D2HGDH: variants seen among roughly 807,000 people sequenced by gnomAD.
D2HGDH encodes D-2-hydroxyglutarate dehydrogenase, mitochondrial.
Under a neutral mutation model 46.9 loss-of-function variants are expected in D2HGDH, and 31 were observed. The ratio of observed to expected loss-of-function variants is 0.66; its 90% CI spans 0.50 to 0.89. D2HGDH has a LOEUF of 0.89. Ranked by LOEUF, D2HGDH falls within the 40% of genes least tolerant of loss-of-function variation. The pLI is 0.00. For missense variants in D2HGDH, 698 were observed against 720.8 expected (o/e 0.97, Z 0.36); for synonymous variants, 364 against 332.6 (o/e 1.09, Z -1.03).
intron 2 of D2HGDH, among the ~76,000 whole-genome samples, chr2:241,740,727 A>G (rs1694216722): frequency 6.6e-6 from 1 of 152,182 alleles, no homozygotes; most frequent in Non-Finnish European, 1.5e-5. Context: ...TGGGCGGATC[A>G]CGAGGTCAGG....
At chr2:241,751,142 G>GAAAGATC in intron 7 of D2HGDH, 104 bp from the exon 8 acceptor site, 2 of 1,518,298 alleles carry the variant, frequency 1.3e-6, no homozygotes, top group South Asian at 2.3e-5. Flanking sequence ...TCTTGGCCAC[G>GAAAGATC]AAAGATCAGT....
chr2:241,741,011 T>G lies in D2HGDH; in HGVS notation c.293-22T>G, dbSNP rs746408987. 3.7e-6 allele frequency: 6 copies of G among 1,611,050 alleles called. No individual in the cohort carries two copies. The African/African-American group carries it at 8.0e-5, about 22-fold the overall frequency. ...CTGCAGCTCCCCCCACGCTGTCTCA[T>G]AGGATCTTCTTCCTGTCACAGGCTG... On this transcript the variant is annotated intron_variant, in intron 2 of 9. Coordinates refer to ENST00000321264, the MANE Select transcript of D2HGDH (RefSeq NM_152783.5).
In D2HGDH at chr2:241,742,176, C is replaced by G. The variant is rs1045179438; in HGVS notation, c.351-259C>G. Among the ~76,000 whole-genome samples the G allele has an allele frequency of 6.6e-6, 1 of 152,264 alleles. No homozygotes were observed. Among genetic ancestry groups the G allele is most frequent in the Middle Eastern group, 3.4e-3 (1 of 294 alleles). ...ATGGGAGCCGGGCGTGTAGGACGTTCTGTCCTTTGAGGGAAGCCTTGTAGG... is the reference window on the plus strand; with the variant it reads ...ATGGGAGCCGGGCGTGTAGGACGTTGTGTCCTTTGAGGGAAGCCTTGTAGG... On this transcript the variant is annotated intron_variant, in intron 3 of 9. Coordinates refer to ENST00000321264, the MANE Select transcript of D2HGDH (RefSeq NM_152783.5). This position sits in a 1 kb window ranked among gnomAD's most constrained non-coding sequence, Gnocchi z 4.8.
chr2:241,752,566 C>G (rs1021462714), intron 8 of D2HGDH, among the ~76,000 whole-genome samples: 15 of 152,176 alleles, frequency 9.9e-5, no homozygotes, highest in African/African-American at 3.4e-4. Context: ...GCTTCCAGTC[C>G]AGGGGCCCGG....
intron 9 of D2HGDH, among the ~76,000 whole-genome samples, chr2:241,758,769 ATGTGTGTGTG>A (rs558559121): frequency 4.2e-4 from 56 of 131,970 alleles, no homozygotes; most frequent in African/African-American, 1.0e-3. Context: ...CCCACAATAT[ATGTGTGTGTG>A]TGTGTGTGTG....
At position 241,742,460 on chromosome 2, in the gene D2HGDH, G is replaced by A. The variant is rs769879974; in HGVS notation, c.376G>A (p.Val126Met). The change falls in exon 4 of 10, where the codon GTG becomes ATG. Residue 126 changes from valine to methionine, a missense_variant. By Grantham distance (21) the Val-to-Met change is conservative. Transcript: ENST00000321264. The surrounding 1 kb of genome is among the most constrained non-coding windows in gnomAD (Gnocchi z 4.8). ...LRHCHERNLAVNPQGGNTGMV... is the reference protein window; with the variant it reads ...LRHCHERNLAMNPQGGNTGMV... Reference sequence around the variant, plus strand: ...GCACTGCCACGAGAGGAACCTGGCCGTGAACCCACAGGGGGGCAACACAGG... The same window carrying A: ...GCACTGCCACGAGAGGAACCTGGCCATGAACCCACAGGGGGGCAACACAGG... The A allele has an allele frequency of 5.0e-6, 8 of 1,613,236 alleles. No homozygotes were observed. In the African/African-American group the frequency reaches 5.3e-5, roughly 11 times the overall value.
intron 6 of D2HGDH, 129 bp downstream of exon 6, chr2:241,745,006 C>A: frequency 8.2e-7 from 1 of 1,223,784 alleles, no homozygotes; most frequent in Non-Finnish European, 1.2e-6. Context: ...CCCGTGTCTC[C>A]TGACATCTCT....
chr2:241,761,025 G>A (rs969479128), intron 9 of D2HGDH, among the ~76,000 whole-genome samples: 1 of 152,200 alleles, frequency 6.6e-6, no homozygotes, highest in Non-Finnish European at 1.5e-5. Flanking sequence ...GAGCCCTGAT[G>A]GCTGCACAGT....
At position 241,755,967 on chromosome 2, in the gene D2HGDH, C is replaced by G; in HGVS notation, c.1259C>G (p.Ala420Gly). ...RLYDIVTDLR[A>G]RLGPHAKHVV... ...TACGACATCGTGACTGACCTGCGCG[C>G]CCGCCTCGGCCCGCACGCCAAGCAC... is the stretch of plus-strand genomic sequence containing the variant. Residue 420 changes from alanine to glycine, a missense_variant, in exon 9 of 10, where the codon GCC (alanine) becomes GGC (glycine). Ala to Gly is a moderately conservative substitution (Grantham distance 60). Transcript: ENST00000321264. The G allele has an allele frequency of 6.2e-7, 1 of 1,605,116 alleles. No homozygotes were observed. Among genetic ancestry groups the G allele is most frequent in the Non-Finnish European group, 8.5e-7 (1 of 1,173,628 alleles).
chr2:241,746,137 C>G (rs1695805539), intron 6 of D2HGDH, among the ~76,000 whole-genome samples: 1 of 152,148 alleles, frequency 6.6e-6, no homozygotes, highest in Admixed American at 6.5e-5. Context: ...CAGATATTGT[C>G]TGTGTTTTCC....
chr2:241,750,421 C>T (rs1057378101), intron 7 of D2HGDH, 127 bp downstream of exon 7: 13 of 1,142,078 alleles, frequency 1.1e-5, no homozygotes, highest in South Asian at 7.0e-5. Context: ...GGTCCCTGGG[C>T]GGAGCATGGA....
intron 6 of D2HGDH, chr2:241,749,026 G>GT: frequency 4.9e-6 from 5 of 1,011,104 alleles, no homozygotes; most frequent in Middle Eastern, 6.6e-4. Context: ...TGGTCCTGGT[G>GT]TCCCTCGTGC....
At chr2:241,748,183 A>G (rs1235796942) in intron 6 of D2HGDH, among the ~76,000 whole-genome samples, 1 of 152,100 alleles carries the variant, frequency 6.6e-6, no homozygotes, top group African/African-American at 2.4e-5. Flanking sequence ...GTGCAGTGGC[A>G]CAATCTTGGC....
chr2:241,762,154 G>C (rs938257250), intron 9 of D2HGDH, among the ~76,000 whole-genome samples: 1 of 140,682 alleles, frequency 7.1e-6, no homozygotes, highest in African/African-American at 2.7e-5. Flanking sequence ...TCACTGCAAC[G>C]TCCGCCTCCC....
intron 6 of D2HGDH, among the ~76,000 whole-genome samples, chr2:241,748,578 A>G (rs373234479): frequency 1.4e-4 from 22 of 152,234 alleles, no homozygotes; most frequent in African/African-American, 4.6e-4. Context: ...CCCTCCCACC[A>G]TGGCTGCCAC....
rs1227674494 is a variant in D2HGDH at position 241,742,796 on chromosome 2, T to C, written c.490+222T>C. On this transcript the variant is annotated intron_variant, in intron 4 of 9. Coordinates refer to ENST00000321264, the MANE Select transcript of D2HGDH (RefSeq NM_152783.5). The surrounding 1 kb of genome is among the most constrained non-coding windows in gnomAD (Gnocchi z 4.8). ...GCTTGTCATTCTGGTCCCTTCCGAC[T>C]CCATCCCGCTCTAGAGGTGTGTGAG... 2.6e-5 allele frequency among the ~76,000 whole-genome samples: 4 copies of C among 152,202 alleles called. No individual in the cohort carries two copies. Among genetic ancestry groups the C allele is most frequent in the African/African-American group, 9.7e-5 (4 of 41,444 alleles).
At chr2:241,750,406 T>TGGGGGGGGGGGGCGTGGGGGGGGGGGG in intron 7 of D2HGDH, 112 bp downstream of exon 7, 1 of 175,274 alleles carries the variant, frequency 5.7e-6, no homozygotes, top group Admixed American at 7.0e-5. Flanking sequence ...GGCGGGCGGG[T>TGGGGGGGGGGGGCGTGGGGGGGGGGGG]GGGGGGTCCC....
At chr2:241,748,799 T>G in intron 6 of D2HGDH, 1 of 1,150,488 alleles carries the variant, frequency 8.7e-7, no homozygotes, top group Non-Finnish European at 1.1e-6. Flanking sequence ...GGCAGTGCCA[T>G]CTGGATCGGT....
chr2:241,763,204 GGTGGTTTCGTTTTGTGTGAGCATC>G (rs1698989185), intron 9 of D2HGDH, among the ~76,000 whole-genome samples: 1 of 152,220 alleles, frequency 6.6e-6, no homozygotes, highest in African/African-American at 2.4e-5. Flanking sequence ...TGTGTCATTA[GGTGGTTTCGTTTTGTGTGAGCATC>G]ACGGAGGGCA....
Sources: allele counts gnomAD v4.1 joint callset (sites outside exome capture counted in the v4.1 genomes callset), GRCh38; gene constraint gnomAD v4.1.1; non-coding constraint Gnocchi (gnomAD v3.1); transcripts MANE v1.5; gene names NCBI Gene and HGNC (gene_info 2026-07-23, HGNC 2026-07-21).